HPSE2: variants seen among roughly 807,000 people sequenced by gnomAD.
HPSE2 encodes the protein heparanase 2 (inactive).
In HPSE2, 38 loss-of-function variants were observed where a neutral mutation model predicts 60.5. The ratio of observed to expected loss-of-function variants is 0.63; its 90% CI spans 0.48 to 0.82. The LOEUF (loss-of-function observed/expected upper bound fraction) is 0.82, where lower values mean the gene tolerates loss of function less well. HPSE2 is among the 40% of genes least tolerant of loss of function. HPSE2 has a pLI of 0.00. For missense variants in HPSE2, 713 were observed against 740.4 expected (o/e 0.96, Z 0.43); for synonymous variants, 295 against 293.2 (o/e 1.01, Z -0.06).
intron 9 of HPSE2, among the ~76,000 whole-genome samples, chr10:98,551,678 C>G (rs1039499421): frequency 6.6e-6 from 1 of 152,144 alleles, no homozygotes; most frequent in South Asian, 2.1e-4. Flanking sequence ...AATTTCCTAC[C>G]CTTTCTTGGT....
At chr10:98,833,849 C>T (rs1307205493) in intron 3 of HPSE2, among the ~76,000 whole-genome samples, 1 of 151,982 alleles carries the variant, frequency 6.6e-6, no homozygotes, top group Non-Finnish European at 1.5e-5. Flanking sequence ...TTTTTTGTAA[C>T]CCTGCCAAAA....
intron 2 of HPSE2, among the ~76,000 whole-genome samples, chr10:99,154,698 C>T (rs911079785): frequency 4.0e-5 from 6 of 150,838 alleles, no homozygotes; most frequent in African/African-American, 7.2e-5. Context: ...CATAAACTAA[C>T]GAGCAAAATC....
intron 4 of HPSE2, among the ~76,000 whole-genome samples, chr10:98,736,640 C>T (rs1161083443): frequency 6.6e-6 from 1 of 152,022 alleles, no homozygotes; most frequent in Non-Finnish European, 1.5e-5. Context: ...AACAATTTTC[C>T]TGATTCAGTT....
intron 3 of HPSE2, among the ~76,000 whole-genome samples, chr10:98,873,684 A>C (rs746015244): frequency 3.3e-5 from 5 of 152,084 alleles, no homozygotes; most frequent in Non-Finnish European, 5.9e-5. Context: ...ATACAGGTGC[A>C]TGTGTCTTTA....
chr10:99,001,192 G>T (rs1956770094), intron 3 of HPSE2, among the ~76,000 whole-genome samples: 1 of 152,114 alleles, frequency 6.6e-6, no homozygotes, highest in Non-Finnish European at 1.5e-5. Context: ...ATTGATATAA[G>T]ATTTATATTT....
rs149892739 is a variant in HPSE2, at chr10:99,203,797, T to C, written c.448+28551A>G. On this transcript the variant is annotated intron_variant, in intron 2 of 11. Transcript: ENST00000370552. ...CCCCAGGCTCCAAGGCCAGCACCCA[T>C]AGCTCCAGGACCAGGTTAGCACCCA... Among the ~76,000 whole-genome samples the C allele has an allele frequency of 6.0e-3, 905 of 150,742 alleles. 43 individuals are homozygous for C. The highest frequency in any genetic ancestry group is 0.052 in the Admixed American group (790 of 15,168).
chr10:98,742,788 T>C (rs867301210), intron 4 of HPSE2, among the ~76,000 whole-genome samples: 908 of 77,122 alleles, frequency 0.012, 12 homozygotes, highest in African/African-American at 0.043. Context: ...CACACACACA[T>C]ACATACACAC....
chr10:98,763,130 A>G (rs1950043548), intron 3 of HPSE2, among the ~76,000 whole-genome samples: 1 of 152,102 alleles, frequency 6.6e-6, no homozygotes, highest in South Asian at 2.1e-4. Context: ...TTAAAGATAA[A>G]ACAGGAGAAA....
chr10:98,973,533 C>T (rs1230457935), intron 3 of HPSE2, among the ~76,000 whole-genome samples: 1 of 152,208 alleles, frequency 6.6e-6, no homozygotes, highest in African/African-American at 2.4e-5. Context: ...GGTAAATTCT[C>T]AGGTATACTG....
At chr10:99,138,255 G>T (rs995059058) in intron 3 of HPSE2, among the ~76,000 whole-genome samples, 1 of 152,186 alleles carries the variant, frequency 6.6e-6, no homozygotes, top group African/African-American at 2.4e-5. Context: ...ATGCTGGAGA[G>T]AATATGGAGA....
intron 2 of HPSE2, among the ~76,000 whole-genome samples, chr10:99,195,105 A>C (rs767726935): frequency 6.6e-6 from 1 of 152,172 alleles, no homozygotes; most frequent in East Asian, 1.9e-4. Context: ...ATGATACATC[A>C]TGTCAACAAA....
chr10:98,825,120 A>T (rs150202836), intron 3 of HPSE2, among the ~76,000 whole-genome samples: 410 of 152,330 alleles, frequency 2.7e-3, no homozygotes, highest in Middle Eastern at 6.8e-3. Context: ...AATACTTATA[A>T]CAAAAGAGAG....
intron 9 of HPSE2, among the ~76,000 whole-genome samples, chr10:98,550,909 G>T (rs1253519343): frequency 6.6e-6 from 1 of 152,084 alleles, no homozygotes; most frequent in Admixed American, 6.5e-5. Flanking sequence ...GAACTTGGCC[G>T]GGACTAGTTT....
At chr10:98,575,979 C>T (rs1374606040) in intron 9 of HPSE2, among the ~76,000 whole-genome samples, 4 of 152,020 alleles carry the variant, frequency 2.6e-5, no homozygotes, top group Non-Finnish European at 4.4e-5. Flanking sequence ...TAAGCTGATA[C>T]TTATAATTTA....
At chr10:98,739,774 AT>A (rs1212128006) in intron 4 of HPSE2, among the ~76,000 whole-genome samples, 4 of 152,232 alleles carry the variant, frequency 2.6e-5, no homozygotes. Context: ...TTACTTGCTT[AT>A]AGAAATGGGC....
intron 3 of HPSE2, among the ~76,000 whole-genome samples, chr10:98,896,004 A>G (rs12782441): frequency 2.2e-4 from 34 of 151,206 alleles, no homozygotes; most frequent in African/African-American, 4.1e-4. Context: ...GTTAATGGGT[A>G]CAGCACACCA....
chr10:98,457,413 A>C lies in HPSE2; in HGVS notation c.*2161T>G, dbSNP rs1311776879. The stretch of plus-strand genomic sequence containing the variant: ...CCTGGGCGAGCCATGGATCCTCTCC[A>C]TGCCTCGTAGGAAAAATGGGGATAA... On this transcript the variant is annotated 3_prime_UTR_variant, in exon 12 of 12. Coordinates refer to ENST00000370552, the MANE Select transcript of HPSE2 (RefSeq NM_021828.5). 6.6e-6 allele frequency: 1 copy of C among 152,152 alleles called. No homozygotes were observed. The highest frequency in any genetic ancestry group is 2.4e-5 in the African/African-American group (1 of 41,436). 9.4% of individuals were successfully genotyped at this position (152,152 alleles called of 1,614,324 possible).
chr10:98,953,167 C>T (rs1339120086), intron 3 of HPSE2, among the ~76,000 whole-genome samples: 1 of 152,194 alleles, frequency 6.6e-6, no homozygotes, highest in African/African-American at 2.4e-5. Flanking sequence ...GGGCTTCCTT[C>T]TGGTAGCAGG....
chr10:98,872,508 A>C (rs997211010), intron 3 of HPSE2, among the ~76,000 whole-genome samples: 1 of 152,112 alleles, frequency 6.6e-6, no homozygotes, highest in Non-Finnish European at 1.5e-5. Flanking sequence ...TGTTACAAAA[A>C]AGCACCTTAC....
Sources: allele counts gnomAD v4.1 joint callset (sites outside exome capture counted in the v4.1 genomes callset), GRCh38; gene constraint gnomAD v4.1.1; transcripts MANE v1.5; gene names NCBI Gene and HGNC (gene_info 2026-07-23, HGNC 2026-07-21).